The following FOXP2 variants were observed in gnomAD, a reference collection of about 807,000 sequenced individuals.
The protein encoded by FOXP2 is forkhead box P2, also known as forkhead box protein P2.
Under a neutral mutation model 115.8 loss-of-function variants are expected in FOXP2, and 12 were observed. The ratio of observed to expected loss-of-function variants is 0.10; its 90% CI spans 0.07 to 0.17. The LOEUF is 0.17. FOXP2 is among the 10% of genes least tolerant of loss of function. The pLI, the probability that FOXP2 is intolerant of heterozygous loss-of-function variation, is 1.00. For synonymous variants in FOXP2, 328 were observed against 297.7 expected (o/e 1.10, Z -1.05); for missense variants, 629 against 843.5 (o/e 0.75, Z 3.15).
At chr7:114,531,826 G>A (rs553959500) in intron 2 of FOXP2, among the ~76,000 whole-genome samples, 1 of 152,058 alleles carries the variant, frequency 6.6e-6, no homozygotes, top group South Asian at 2.1e-4. Flanking sequence ...CAGTGTAGGT[G>A]TATGCTTTTG....
At chr7:114,479,551 A>C (rs1274282289) in intron 2 of FOXP2, among the ~76,000 whole-genome samples, 3 of 151,292 alleles carry the variant, frequency 2.0e-5, no homozygotes, top group African/African-American at 7.3e-5. Context: ...GAAAAAAAAA[A>C]AAAACTCAGC....
chr7:114,476,589 CTT>C (rs1032377386), intron 2 of FOXP2, among the ~76,000 whole-genome samples: 12 of 151,814 alleles, frequency 7.9e-5, no homozygotes, highest in African/African-American at 2.9e-4. Flanking sequence ...CTTAGGATTA[CTT>C]TGGCTATTCA....
intron 1 of FOXP2, among the ~76,000 whole-genome samples, chr7:114,268,153 T>C (rs749903852): frequency 6.6e-6 from 1 of 152,210 alleles, no homozygotes; most frequent in Non-Finnish European, 1.5e-5. Context: ...TCAGAATTTC[T>C]TTTTTAAGGC....
At chr7:114,358,255 T>A (rs1365575297) in intron 2 of FOXP2, among the ~76,000 whole-genome samples, 1 of 152,194 alleles carries the variant, frequency 6.6e-6, no homozygotes, top group Admixed American at 6.5e-5. Flanking sequence ...TCCACCATGA[T>A]TGTGAGGCCT....
intron 3 of FOXP2, among the ~76,000 whole-genome samples, chr7:114,581,077 A>G (rs980804380): frequency 1.4e-5 from 2 of 144,924 alleles, no homozygotes; most frequent in Non-Finnish European, 3.0e-5. Context: ...AAACACATGC[A>G]CACACACACA....
chr7:114,478,062 G>A (rs1796366272), intron 2 of FOXP2, among the ~76,000 whole-genome samples: 1 of 151,826 alleles, frequency 6.6e-6, no homozygotes, highest in Non-Finnish European at 1.5e-5. Flanking sequence ...AGGTACTATA[G>A]TTGGCTGACC....
chr7:114,284,867 A>G (rs1286816725), intron 1 of FOXP2, among the ~76,000 whole-genome samples: 1 of 152,206 alleles, frequency 6.6e-6, no homozygotes, highest in African/African-American at 2.4e-5. Flanking sequence ...ATGAGGTGAT[A>G]TACTTTGCAG....
intron 2 of FOXP2, among the ~76,000 whole-genome samples, chr7:114,305,166 T>C (rs1260510614): frequency 1.3e-5 from 2 of 152,166 alleles, no homozygotes; most frequent in Non-Finnish European, 2.9e-5. Flanking sequence ...ATCTCATCAT[T>C]TGATATTTAA....
At chr7:114,404,877 G>T (rs1792995197) in intron 2 of FOXP2, among the ~76,000 whole-genome samples, 2 of 151,720 alleles carry the variant, frequency 1.3e-5, no homozygotes, top group African/African-American at 2.4e-5. Context: ...TTTCTCTAAT[G>T]TAAACTGAAA....
chr7:114,426,880 C>A (rs1793879482), intron 2 of FOXP2, among the ~76,000 whole-genome samples: 1 of 151,582 alleles, frequency 6.6e-6, no homozygotes, highest in African/African-American at 2.4e-5. Flanking sequence ...CCAGAGTACC[C>A]TTCAGGTGTC....
At chr7:114,523,982 T>C (rs1207891435) in intron 2 of FOXP2, among the ~76,000 whole-genome samples, 1 of 152,224 alleles carries the variant, frequency 6.6e-6, no homozygotes, top group Non-Finnish European at 1.5e-5. Flanking sequence ...TTACTTTTTC[T>C]AACTAGAGTT....
intron 2 of FOXP2, among the ~76,000 whole-genome samples, chr7:114,436,802 G>A (rs1213808033): frequency 1.3e-5 from 2 of 152,084 alleles, no homozygotes; most frequent in East Asian, 3.9e-4. Flanking sequence ...GGTCAAAAAA[G>A]GCTGGAGGAT....
chr7:114,539,872 G>A (rs1328019197), intron 3 of FOXP2, among the ~76,000 whole-genome samples: 7 of 152,006 alleles, frequency 4.6e-5, no homozygotes, highest in Non-Finnish European at 1.0e-4. Flanking sequence ...TTTCAGATCT[G>A]AAGCCTGCCC....
At chr7:114,331,282 TAA>T (rs1443281718) in intron 2 of FOXP2, among the ~76,000 whole-genome samples, 19 of 152,232 alleles carry the variant, frequency 1.2e-4, no homozygotes, top group African/African-American at 4.6e-4. Context: ...AGTCCTGTTA[TAA>T]AGAATTTTAA....
chr7:114,494,769 A>T (rs1240653495), intron 2 of FOXP2, among the ~76,000 whole-genome samples: 6 of 152,180 alleles, frequency 3.9e-5, no homozygotes, highest in Non-Finnish European at 1.5e-5. Flanking sequence ...GACTCATGCC[A>T]CTGAAATTTA....
chr7:114,231,736 A>G (rs756788169), intron 1 of FOXP2, among the ~76,000 whole-genome samples: 1 of 152,178 alleles, frequency 6.6e-6, no homozygotes, highest in Non-Finnish European at 1.5e-5. Context: ...TTAAAGACTT[A>G]ATGGTAAGGC....
chr7:114,547,807 C>G (rs966115665), intron 3 of FOXP2, among the ~76,000 whole-genome samples: 25 of 152,062 alleles, frequency 1.6e-4, no homozygotes, highest in African/African-American at 6.0e-4. Context: ...GTGAGGGTTT[C>G]TCAAATATCA....
chr7:114,267,396 C>T (rs891505162), intron 1 of FOXP2, among the ~76,000 whole-genome samples: 7 of 152,018 alleles, frequency 4.6e-5, no homozygotes, highest in Non-Finnish European at 8.8e-5. Flanking sequence ...TAGATATTCG[C>T]TCTTACATGA....
chr7:114,167,262 T>C (rs1793007429), intron 1 of FOXP2, among the ~76,000 whole-genome samples: 1 of 152,126 alleles, frequency 6.6e-6, no homozygotes, highest in South Asian at 2.1e-4. Context: ...TAAAAAGAAA[T>C]GAGCTACCAA....
Sources: gnomAD v4.1 joint callset for allele counts (sites outside exome capture counted in the v4.1 genomes callset) on GRCh38, gnomAD v4.1.1 for gene constraint, MANE v1.5 for transcripts, NCBI Gene and HGNC (gene_info 2026-07-23, HGNC 2026-07-21) for gene names.